EPN2: variants seen among roughly 807,000 people sequenced by gnomAD.
EPN2 encodes epsin 2.
In EPN2, 34 loss-of-function variants were observed where a neutral mutation model predicts 61.7. The ratio of observed to expected loss-of-function variants is 0.55; its 90% CI spans 0.42 to 0.73. The LOEUF is 0.73. Ranked by LOEUF, EPN2 falls within the 30% of genes least tolerant of loss-of-function variation. The pLI, the probability that EPN2 is intolerant of heterozygous loss-of-function variation, is 0.00. For missense variants in EPN2, 714 were observed against 839.2 expected, an observed-to-expected ratio of 0.85 and a Z score of 1.84; for synonymous variants, 349 against 353.6, an observed-to-expected ratio of 0.99 and a Z score of 0.15.
chr17:19,317,837 G>C (rs943690929), intron 7 of EPN2, among the ~76,000 whole-genome samples: 3 of 152,082 alleles, frequency 2.0e-5, no homozygotes, highest in African/African-American at 7.2e-5. Context: ...TTGCCTCCCC[G>C]AGCCAGCAGG....
At chr17:19,303,196 T>C (rs1400228806) in intron 4 of EPN2, among the ~76,000 whole-genome samples, 1 of 152,160 alleles carries the variant, frequency 6.6e-6, no homozygotes, top group African/African-American at 2.4e-5. Context: ...CCCTAAATGC[T>C]TCAGTACACA....
chr17:19,305,963 G>GC (rs1293924241), intron 4 of EPN2: 3 of 152,244 alleles, frequency 2.0e-5, no homozygotes, highest in African/African-American at 7.2e-5. Flanking sequence ...CTTGACCACA[G>GC]CAAGTGAAGA....
At chr17:19,245,419 C>CT (rs57599278) in intron 1 of EPN2, among the ~76,000 whole-genome samples, 264 of 134,430 alleles carry the variant, frequency 2.0e-3, no homozygotes, top group Middle Eastern at 7.4e-3. Context: ...ATTTGGTAGT[C>CT]TTTTTTTTTT....
chr17:19,262,269 G>A (rs1305578738), intron 1 of EPN2, among the ~76,000 whole-genome samples: 4 of 150,562 alleles, frequency 2.7e-5, no homozygotes, highest in African/African-American at 9.8e-5. Flanking sequence ...ACCTGAGGTC[G>A]GGAGTTCAAG....
intron 4 of EPN2, among the ~76,000 whole-genome samples, chr17:19,290,860 C>T (rs567475458): frequency 4.6e-5 from 7 of 152,100 alleles, no homozygotes; most frequent in African/African-American, 1.7e-4. Context: ...TGCCTGCAGC[C>T]GGGTCTTCTT....
chr17:19,264,214 C>T (rs1163473660), intron 1 of EPN2, among the ~76,000 whole-genome samples: 2 of 152,194 alleles, frequency 1.3e-5, no homozygotes, highest in African/African-American at 2.4e-5. Flanking sequence ...TGTGTTTTGA[C>T]ATTTGGTAGC....
At chr17:19,255,878 C>A (rs996787709) in intron 1 of EPN2, among the ~76,000 whole-genome samples, 3 of 142,444 alleles carry the variant, frequency 2.1e-5, no homozygotes, top group African/African-American at 7.4e-5. Context: ...CTGTCTCGGC[C>A]CCCCAAAGTG....
At chr17:19,240,823 C>T (rs1462079755) in intron 1 of EPN2, among the ~76,000 whole-genome samples, 1 of 152,196 alleles carries the variant, frequency 6.6e-6, no homozygotes, top group Non-Finnish European at 1.5e-5. Context: ...CTTGTCTTTA[C>T]TTCTCCAGTA....
chr17:19,335,213 G>A lies in EPN2; in HGVS notation c.*959G>A. 2.3e-6 allele frequency: 1 copy of A among 439,366 alleles called. No individual in the cohort carries two copies. The highest frequency in any genetic ancestry group is 7.5e-5 in the South Asian group (1 of 13,266). 27.2% of individuals were successfully genotyped at this position (439,366 alleles called of 1,614,324 possible). ...CAGCAACAAAAAATCCTAGCCTCCA[G>A]TTGCCTTTTCCTTTCTTTAGCTCCT... On this transcript the variant is annotated 3_prime_UTR_variant, in exon 11 of 11. Transcript: ENST00000314728.
intron 4 of EPN2, among the ~76,000 whole-genome samples, chr17:19,304,443 C>T (rs775746181): frequency 7.2e-5 from 11 of 152,242 alleles, no homozygotes; most frequent in African/African-American, 2.4e-4. Flanking sequence ...GCCCCTCCCT[C>T]GAAGTAGGTC....
intron 8 of EPN2, 21 bp downstream of exon 8, chr17:19,328,908 C>T (rs375339161): frequency 5.6e-6 from 9 of 1,593,012 alleles, no homozygotes; most frequent in Non-Finnish European, 7.7e-6. Flanking sequence ...CACTCACCCA[C>T]TTTCCTGCCT....
At chr17:19,268,174 AG>A (rs1468309089) in intron 1 of EPN2, among the ~76,000 whole-genome samples, 1 of 152,068 alleles carries the variant, frequency 6.6e-6, no homozygotes, top group Non-Finnish European at 1.5e-5. Flanking sequence ...GATGGCCCCA[AG>A]TCTTGTCCTT....
intron 1 of EPN2, chr17:19,274,074 C>G (rs1010550995): frequency 2.6e-5 from 4 of 152,264 alleles, no homozygotes; most frequent in Non-Finnish European, 1.5e-5. Context: ...TTTCCTCACT[C>G]GTGGACTGCA....
chr17:19,330,147 G>GCAGTGGGCCAAGTGGC (rs1428007236), intron 9 of EPN2, among the ~76,000 whole-genome samples: 2 of 152,228 alleles, frequency 1.3e-5, no homozygotes, highest in Non-Finnish European at 2.9e-5. Flanking sequence ...TCAGGTGGAT[G>GCAGTGGGCCAAGTGGC]CAGTGGGCCA....
At chr17:19,265,634 C>T (rs2045189437) in intron 1 of EPN2, among the ~76,000 whole-genome samples, 1 of 152,136 alleles carries the variant, frequency 6.6e-6, no homozygotes, top group Non-Finnish European at 1.5e-5. Flanking sequence ...TTCTTGTCCC[C>T]ATCTTCCTCT....
chr17:19,238,135 C>T (rs1261541061), intron 1 of EPN2, among the ~76,000 whole-genome samples: 1 of 152,250 alleles, frequency 6.6e-6, no homozygotes, highest in Non-Finnish European at 1.5e-5. Flanking sequence ...CCCACTCCCA[C>T]GGAACAGCGG....
chr17:19,286,185 C>A (rs1423385156), intron 4 of EPN2, among the ~76,000 whole-genome samples: 2 of 152,226 alleles, frequency 1.3e-5, no homozygotes, highest in African/African-American at 4.8e-5. Context: ...TTAAACCTCA[C>A]AACACCAGAC....
At chr17:19,276,191 T>C (rs1333204932) in intron 1 of EPN2, among the ~76,000 whole-genome samples, 1 of 152,042 alleles carries the variant, frequency 6.6e-6, no homozygotes, top group Non-Finnish European at 1.5e-5. Context: ...TCTGTGGGCC[T>C]GCTCAGCCGT....
intron 7 of EPN2, among the ~76,000 whole-genome samples, chr17:19,315,358 C>T (rs1156914394): frequency 2.6e-5 from 4 of 152,094 alleles, no homozygotes; most frequent in Admixed American, 6.5e-5. Context: ...GGGGTGTGAG[C>T]GGAGGAGTCT....
Sources: allele counts gnomAD v4.1 joint callset (sites outside exome capture counted in the v4.1 genomes callset), GRCh38; gene constraint gnomAD v4.1.1; transcripts MANE v1.5; gene names NCBI Gene and HGNC (gene_info 2026-07-23, HGNC 2026-07-21).